Variants in CD109 observed in about 807,000 individuals in gnomAD.
The protein encoded by CD109 is CD109 molecule.
In CD109, 149 loss-of-function variants were observed where a neutral mutation model predicts 165.8. That is an observed-to-expected ratio of 0.90 (90% confidence interval 0.79 to 1.03). The LOEUF is 1.03. Among genes scored for constraint, CD109 ranks in the 50% least tolerant of loss-of-function variants. CD109 has a pLI of 0.00. For missense variants in CD109, 1,712 were observed against 1,677.8 expected, an observed-to-expected ratio of 1.02 and a Z score of -0.36; for synonymous variants, 585 against 592.1, an observed-to-expected ratio of 0.99 and a Z score of 0.18.
chr6:73,739,390 C>T (rs1437636629), intron 5 of CD109, among the ~76,000 whole-genome samples: 3 of 152,132 alleles, frequency 2.0e-5, no homozygotes, highest in Non-Finnish European at 4.4e-5. Flanking sequence ...CATTAAAGGA[C>T]TGTATATTTC....
the CD109 span, among the ~76,000 whole-genome samples, chr6:73,689,659 CTCAG>C: frequency 6.6e-6 from 1 of 151,524 alleles, no homozygotes; most frequent in African/African-American, 2.4e-5. Context: ...CTCTTAGTGT[CTCAG>C]TCAATGCTTT....
rs189783645 is a variant in CD109 at position 73,716,144 on chromosome 6, G to A, written c.248-7107G>A. ...TTATGGCTGAGTAGTACTTAATTGT[G>A]TACATGTACCACATTTTCTTTATCC... On this transcript the variant is annotated intron_variant, in intron 2 of 32. Transcript: ENST00000287097. Among the ~76,000 whole-genome samples, 42 of 152,242 alleles carry A rather than the reference G, an allele frequency of 2.8e-4. 1 individual carries two copies. In the East Asian group the frequency reaches 6.4e-3, roughly 23 times the overall value.
intron 1 of CD109, among the ~76,000 whole-genome samples, chr6:73,697,091 C>T (rs545708845): frequency 6.6e-6 from 1 of 152,296 alleles, no homozygotes; most frequent in Non-Finnish European, 1.5e-5. Context: ...CTCCATTATG[C>T]CCCGGTGCAA....
At chr6:73,696,145 G>A (rs1026158563), upstream of CD109, 1 of 1,437,530 alleles carries the variant, frequency 7.0e-7, no homozygotes, top group African/African-American at 1.4e-5. Flanking sequence ...GGGAGGAGGT[G>A]GCAAGCCACA....
chr6:73,687,044 A>G, the CD109 span, among the ~76,000 whole-genome samples: 1 of 152,246 alleles, frequency 6.6e-6, no homozygotes, highest in Non-Finnish European at 1.5e-5. Context: ...TAGCTACTGT[A>G]TAAGATACAG....
chr6:73,812,117 A>G (rs773038122), intron 28 of CD109, 88 bp from the exon 29 acceptor site: 17 of 747,838 alleles, frequency 2.3e-5, no homozygotes, highest in Non-Finnish European at 3.6e-5. Flanking sequence ...TCTTTTCCTA[A>G]TGAGGGATAG....
chr6:73,823,145 A>C (rs942530406), intron 32 of CD109, among the ~76,000 whole-genome samples: 1 of 152,184 alleles, frequency 6.6e-6, no homozygotes, highest in African/African-American at 2.4e-5. Context: ...TTAACTGAAA[A>C]TTCTCCCTGA....
intron 5 of CD109, among the ~76,000 whole-genome samples, chr6:73,740,781 C>T (rs183695750): frequency 1.2e-3 from 188 of 151,624 alleles, no homozygotes; most frequent in African/African-American, 4.2e-3. Flanking sequence ...TTAGTAGAGA[C>T]GGTTTCATCA....
At chr6:73,802,473 C>T (rs149584694) in intron 23 of CD109, among the ~76,000 whole-genome samples, 43 of 151,444 alleles carry the variant, frequency 2.8e-4, no homozygotes, top group African/African-American at 5.8e-4. Context: ...ATAGAAAATA[C>T]TTTTATTTTC....
At chr6:73,745,669 A>T (rs1478326753) in intron 5 of CD109, among the ~76,000 whole-genome samples, 2 of 152,222 alleles carry the variant, frequency 1.3e-5, no homozygotes, top group African/African-American at 4.8e-5. Flanking sequence ...ATTAAGGATT[A>T]GGCTGCTGTC....
chr6:73,781,748 TACAC>T (rs71845700), intron 17 of CD109, among the ~76,000 whole-genome samples: 13 of 145,712 alleles, frequency 8.9e-5, no homozygotes, highest in South Asian at 2.2e-4. Flanking sequence ...AGTATTCTGG[TACAC>T]ACACACACAC....
At chr6:73,743,620 G>A (rs1772871529) in intron 5 of CD109, among the ~76,000 whole-genome samples, 2 of 152,122 alleles carry the variant, frequency 1.3e-5, no homozygotes, top group Non-Finnish European at 2.9e-5. Context: ...AGTATCTCTG[G>A]AGCCGTTTTT....
At chr6:73,751,182 A>G (rs1773176183) in intron 5 of CD109, among the ~76,000 whole-genome samples, 1 of 152,182 alleles carries the variant, frequency 6.6e-6, no homozygotes, top group African/African-American at 2.4e-5. Flanking sequence ...TCCTGCAAAA[A>G]TGTCAATTTA....
At chr6:73,741,391 A>C (rs1369175151) in intron 5 of CD109, among the ~76,000 whole-genome samples, 1 of 152,154 alleles carries the variant, frequency 6.6e-6, no homozygotes, top group Admixed American at 6.5e-5. Flanking sequence ...CCCTCCTCTC[A>C]GAGGGCAGAG....
At chr6:73,695,945 C>A, upstream of CD109, 1 of 449,578 alleles carries the variant, frequency 2.2e-6, no homozygotes, top group South Asian at 2.2e-5. Context: ...CAGGTGGGGC[C>A]GCCTGCGTTT....
intron 17 of CD109, 94 bp downstream of exon 17, chr6:73,781,413 G>C (rs1265085729): frequency 7.3e-6 from 8 of 1,093,098 alleles, no homozygotes; most frequent in Non-Finnish European, 9.6e-6. Context: ...TGAACATAGA[G>C]ATTGTGATTT....
intron 23 of CD109, among the ~76,000 whole-genome samples, chr6:73,795,443 AG>A (rs1177239907): frequency 1.1e-4 from 16 of 152,118 alleles, no homozygotes; most frequent in African/African-American, 1.4e-4. Flanking sequence ...CCAAATCCTC[AG>A]TATCTGTTGT....
chr6:73,802,305 A>ATATTTT (rs1554183463), intron 23 of CD109, among the ~76,000 whole-genome samples: 2 of 47,606 alleles, frequency 4.2e-5, no homozygotes, highest in African/African-American at 8.5e-5. Flanking sequence ...ATATATATAT[A>ATATTTT]TTTTTTTTTT....
intron 23 of CD109, among the ~76,000 whole-genome samples, chr6:73,799,883 G>A (rs1775303141): frequency 6.7e-6 from 1 of 148,398 alleles, no homozygotes. Context: ...TTAAAGACAG[G>A]GTGTCTCCCT....
Sources: allele counts gnomAD v4.1 joint callset (sites outside exome capture counted in the v4.1 genomes callset), GRCh38; gene constraint gnomAD v4.1.1; transcripts MANE v1.5; gene names NCBI Gene and HGNC (gene_info 2026-07-23, HGNC 2026-07-21).